The following ECSIT variants were observed in gnomAD, a reference collection of about 807,000 sequenced individuals.
ECSIT encodes ECSIT signaling integrator, also known as evolutionarily conserved signaling intermediate in Toll pathway, mitochondrial.
In ECSIT, 29 loss-of-function variants were observed where a neutral mutation model predicts 36.8. That is an observed-to-expected ratio of 0.79 (90% CI 0.59 to 1.08). The LOEUF is 1.08. Among genes scored for constraint, ECSIT ranks in the 50% least tolerant of loss-of-function variants. The pLI is 0.00. For synonymous variants in ECSIT, 231 were observed against 234.8 expected, an observed-to-expected ratio of 0.98 and a Z score of 0.15; for missense variants, 542 against 581.0, an observed-to-expected ratio of 0.93 and a Z score of 0.69.
At chr19:11,522,996 G>C (rs948257886) in intron 1 of ECSIT, among the ~76,000 whole-genome samples, 5 of 150,948 alleles carry the variant, frequency 3.3e-5, no homozygotes, top group Non-Finnish European at 1.5e-5. Context: ...GTGTGAACCC[G>C]GGAGGCGGAG....
chr19:11,507,448 A>G lies in ECSIT; in HGVS notation c.1051+9T>C, dbSNP rs975449655. 4 of 1,612,222 alleles carry G rather than the reference A, an allele frequency of 2.5e-6. No homozygotes were observed. The highest frequency in any genetic ancestry group is 3.4e-6 in the Non-Finnish European group (4 of 1,178,648). ...ACATGTGAGCCACCGCACCTGGCCC[A>G]GTTTTTACCTTCATTGATGTCAAAC... On this transcript the variant is annotated intron_variant, in intron 7 of 7. Transcript: ENST00000270517.
chr19:11,520,952 C>T (rs55857421), intron 1 of ECSIT, among the ~76,000 whole-genome samples: 18,428 of 151,922 alleles, frequency 0.12, 2,881 homozygotes, highest in African/African-American at 0.37. Context: ...ATTACAGGCA[C>T]CCGCCACCAT....
At chr19:11,514,857 TAGAC>T (rs1568403855) in intron 2 of ECSIT, among the ~76,000 whole-genome samples, 1 of 150,112 alleles carries the variant, frequency 6.7e-6, no homozygotes. Context: ...TTTTTTTTTT[TAGAC>T]AGAGTCTCAT....
intron 2 of ECSIT, among the ~76,000 whole-genome samples, chr19:11,514,439 G>A (rs977157038): frequency 6.6e-6 from 1 of 150,960 alleles, no homozygotes; most frequent in Non-Finnish European, 1.5e-5. Context: ...CCATGGCTAC[G>A]GGGAGCTGGT....
chr19:11,520,460 C>T (rs1407478229), intron 1 of ECSIT, among the ~76,000 whole-genome samples: 3 of 152,094 alleles, frequency 2.0e-5, no homozygotes, highest in Admixed American at 6.6e-5. Flanking sequence ...GCGTGAGCCA[C>T]CGCACCTGGC....
intron 4 of ECSIT, among the ~76,000 whole-genome samples, chr19:11,509,746 C>T (rs1034743300): frequency 2.6e-5 from 4 of 151,622 alleles, no homozygotes; most frequent in South Asian, 2.1e-4. Context: ...CCAGCATGGG[C>T]GACAGAGCAA....
At position 11,507,718 on chromosome 19, in the gene ECSIT, A is replaced by C; in HGVS notation, c.929T>G (p.Leu310Arg). The C allele has an allele frequency of 6.2e-7, 1 of 1,614,126 alleles. No individual in the cohort carries two copies. ...AGCCCTCACCCTCTCCTCCGGGGGC[A>C]GCAAGTCAGCTCTGAGGATGTGGTA... ...VYYHILRADL[L>R]PPEEREVEET... is the part of the protein sequence containing the mutation. Residue 310 changes from leucine to arginine, a missense_variant, in exon 6 of 8, where the codon CTG becomes CGG. Leu to Arg is a moderately radical substitution (Grantham distance 102, BLOSUM62 -2). Transcript: ENST00000270517.
At chr19:11,512,508 T>G (rs1247194498) in intron 4 of ECSIT, among the ~76,000 whole-genome samples, 1 of 152,108 alleles carries the variant, frequency 6.6e-6, no homozygotes, top group Non-Finnish European at 1.5e-5. Flanking sequence ...GCAATAAATT[T>G]TTGTTGTTCA....
At chr19:11,514,770 G>A (rs943520783) in intron 2 of ECSIT, among the ~76,000 whole-genome samples, 8 of 151,774 alleles carry the variant, frequency 5.3e-5, no homozygotes, top group South Asian at 2.1e-4. Context: ...TGATCATCCC[G>A]TCTCCACCTC....
intron 1 of ECSIT, among the ~76,000 whole-genome samples, chr19:11,526,762 C>T (rs1972223769): frequency 6.7e-6 from 1 of 150,184 alleles, no homozygotes; most frequent in Non-Finnish European, 1.5e-5. Flanking sequence ...CTCTGTTCCC[C>T]AGGCTGGAGT....
At chr19:11,526,209 T>C (rs539618492) in intron 1 of ECSIT, among the ~76,000 whole-genome samples, 1 of 152,218 alleles carries the variant, frequency 6.6e-6, no homozygotes, top group East Asian at 1.9e-4. Context: ...GTGATCCACC[T>C]GCCTTGGCCT....
chr19:11,510,427 C>T (rs1971846570), intron 4 of ECSIT, among the ~76,000 whole-genome samples: 1 of 152,054 alleles, frequency 6.6e-6, no homozygotes, highest in Admixed American at 6.6e-5. Context: ...ATCCATCTGC[C>T]TCAGCCTCCC....
At chr19:11,508,164 G>A in intron 4 of ECSIT, 116 bp from the exon 5 acceptor site, 1 of 1,263,516 alleles carries the variant, frequency 7.9e-7, no homozygotes. Context: ...CCTGGATCTG[G>A]TACACGGCCC....
At chr19:11,510,458 A>G (rs545558831) in intron 4 of ECSIT, among the ~76,000 whole-genome samples, 30 of 152,008 alleles carry the variant, frequency 2.0e-4, no homozygotes, top group Non-Finnish European at 3.8e-4. Context: ...GATTACAGGC[A>G]TGAGCCACTG....
intron 4 of ECSIT, among the ~76,000 whole-genome samples, chr19:11,508,383 A>ATTTTTTTTTTTTTTTTTTTTTTTTTTTT (rs34929827): frequency 8.1e-6 from 1 of 124,052 alleles, no homozygotes; most frequent in Admixed American, 8.1e-5. Flanking sequence ...CTTAATTCCG[A>ATTTTTTTTTTTTTTTTTTTTTTTTTTTT]TTTTTTTTTT....
chr19:11,509,062 C>A (rs1328961999), intron 4 of ECSIT, among the ~76,000 whole-genome samples: 2 of 149,068 alleles, frequency 1.3e-5, no homozygotes, highest in Non-Finnish European at 1.5e-5. Context: ...TTCAAAAACA[C>A]TAGACAATTT....
intron 4 of ECSIT, among the ~76,000 whole-genome samples, chr19:11,509,533 C>T (rs1424269144): frequency 6.6e-5 from 10 of 151,116 alleles, no homozygotes; most frequent in East Asian, 2.0e-4. Context: ...TTTGGGAGGC[C>T]GAGGGTGGTG....
intron 1 of ECSIT, chr19:11,522,328 AC>A: frequency 1.4e-6 from 1 of 721,660 alleles, no homozygotes. Context: ...CCCCACCTGG[AC>A]CCATTCCATC....
intron 1 of ECSIT, chr19:11,523,432 T>C (rs1175418122): frequency 9.7e-6 from 7 of 719,140 alleles, no homozygotes; most frequent in Non-Finnish European, 6.9e-6. Flanking sequence ...CATAACCCAC[T>C]GCCATGGCCG....
Sources: allele counts gnomAD v4.1 joint callset (sites outside exome capture counted in the v4.1 genomes callset), GRCh38; gene constraint gnomAD v4.1.1; transcripts MANE v1.5; gene names NCBI Gene and HGNC (gene_info 2026-07-23, HGNC 2026-07-21).